The following PLPPR4 variants were observed in gnomAD, a reference collection of about 807,000 sequenced individuals.
PLPPR4 encodes phospholipid phosphatase-related protein type 4.
In PLPPR4, 24 loss-of-function variants were observed where a neutral mutation model predicts 56.6. The observed-to-expected ratio is 0.42, with a 90% CI of 0.31 to 0.60. PLPPR4 has a LOEUF of 0.60. Among genes scored for constraint, PLPPR4 ranks in the 20% least tolerant of loss-of-function variants. The probability of loss-of-function intolerance (pLI) is 0.13; values close to 1 mark genes in which losing one functional copy is unlikely to be tolerated. For missense variants in PLPPR4, 654 were observed against 885.8 expected (o/e 0.74, Z 3.32); for synonymous variants, 326 against 328.1 (o/e 0.99, Z 0.07).
chr1:99,296,826 G>T lies in PLPPR4; in HGVS notation c.353G>T (p.Cys118Phe). 6.3e-7 allele frequency: 1 copy of T among 1,595,884 alleles called. No individual in the cohort carries two copies. The highest frequency in any genetic ancestry group is 1.1e-5 in the South Asian group (1 of 88,140). ...GLEPNINAGG[C>F]NFNSFLRRAV... ...GAGCCCAACATTAATGCTGGAGGCTGCAACTTCAATTCCTTCCTCAGACGA... is the reference window on the plus strand; with the variant it reads ...GAGCCCAACATTAATGCTGGAGGCTTCAACTTCAATTCCTTCCTCAGACGA... The change falls in exon 3 of 7, where the codon TGC (cysteine) becomes TTC (phenylalanine). Residue 118 changes from cysteine to phenylalanine, a missense_variant. By Grantham distance (205) the Cys-to-Phe change is radical. Transcript: ENST00000370185.
In PLPPR4 at chr1:99,306,297, C is replaced by T; in HGVS notation, c.1435C>T (p.Arg479Cys). Residue 479 changes from arginine to cysteine, a missense_variant, in exon 7 of 7, where the codon CGT (arginine) becomes TGT (cysteine). Physicochemically the swap from Arg to Cys is radical, Grantham distance 180 (BLOSUM62 -3). Transcript: ENST00000370185. The surrounding 1 kb of genome is among the most constrained non-coding windows in gnomAD (Gnocchi z 4.0). ...PGGPRVSIQSRPGSSQLVHIP... is the reference protein window; with the variant it reads ...PGGPRVSIQSCPGSSQLVHIP... ...AGGGCCAAGAGTGTCCATTCAGTCC[C>T]GTCCTGGGTCCTCACAGTTGGTGCA... 1 of 1,614,130 alleles carries T rather than the reference C, an allele frequency of 6.2e-7. No individual in the cohort carries two copies. Among genetic ancestry groups the T allele is most frequent in the Non-Finnish European group, 8.5e-7 (1 of 1,180,012 alleles).
chr1:99,307,308 GT>G lies in PLPPR4; in HGVS notation c.*299del, dbSNP rs1660056439. 3 of 327,848 alleles carry G rather than the reference GT, an allele frequency of 9.2e-6. No individual in the cohort carries two copies. The highest frequency in any genetic ancestry group is 1.7e-5 in the Non-Finnish European group (3 of 179,434). The allele number at this position is 327,848 out of a possible 1,614,324, so 20.3% of individuals were successfully genotyped here. ...CAAAAGAAAGTGGTTTTCTTCAAAT[GT>G]ATACTATTTTACTTCCTGAATGTGC... On this transcript the variant is annotated 3_prime_UTR_variant, in exon 7 of 7. Transcript: ENST00000370185.
At chr1:99,266,509 T>C (rs1302004335) in intron 1 of PLPPR4, among the ~76,000 whole-genome samples, 3 of 152,266 alleles carry the variant, frequency 2.0e-5, no homozygotes, top group Non-Finnish European at 4.4e-5. Context: ...CATAATGCAA[T>C]TGAATTGTGT....
intron 1 of PLPPR4, among the ~76,000 whole-genome samples, chr1:99,271,829 T>C (rs985027499): frequency 2.7e-5 from 4 of 150,142 alleles, no homozygotes; most frequent in Non-Finnish European, 5.9e-5. Context: ...AACAAGGTAA[T>C]AGAAACAGAG....
upstream of PLPPR4, chr1:99,264,107 C>T (rs768311980): frequency 2.2e-4 from 63 of 292,700 alleles, no homozygotes; most frequent in Non-Finnish European, 3.2e-4. Context: ...CCTTAGCATT[C>T]TTTAATAGCA....
At chr1:99,276,535 T>A (rs1165924155) in intron 1 of PLPPR4, among the ~76,000 whole-genome samples, 1 of 152,124 alleles carries the variant, frequency 6.6e-6, no homozygotes, top group Non-Finnish European at 1.5e-5. Context: ...GTTAAGATTA[T>A]ATGTCAATTT....
chr1:99,272,026 A>C (rs886803588), intron 1 of PLPPR4, among the ~76,000 whole-genome samples: 2 of 151,696 alleles, frequency 1.3e-5, no homozygotes, highest in African/African-American at 4.9e-5. Context: ...AATAAAGATT[A>C]TTTGAGACAC....
chr1:99,266,867 A>G (rs1420139429), intron 1 of PLPPR4, among the ~76,000 whole-genome samples: 1 of 152,242 alleles, frequency 6.6e-6, no homozygotes, highest in Non-Finnish European at 1.5e-5. Flanking sequence ...GCTCCTTTGA[A>G]ATGACTCATT....
chr1:99,301,953 G>T, intron 6 of PLPPR4, 56 bp downstream of exon 6: 1 of 1,331,456 alleles, frequency 7.5e-7, no homozygotes, highest in East Asian at 2.3e-5. Flanking sequence ...AACATGCATA[G>T]AATATTTTGC....
intron 6 of PLPPR4, among the ~76,000 whole-genome samples, chr1:99,304,091 A>G (rs542997893): frequency 6.6e-6 from 1 of 152,334 alleles, no homozygotes; most frequent in African/African-American, 2.4e-5. Context: ...TCTCTGTCCC[A>G]TGTCATAACA....
In PLPPR4 at chr1:99,288,030, T is replaced by C. The variant is rs2100798490; in HGVS notation, c.144T>C (p.Pro48=). The C allele has an allele frequency of 2.5e-6, 4 of 1,613,956 alleles. No homozygotes were observed. The highest frequency in any genetic ancestry group is 1.6e-4 in the Middle Eastern group (1 of 6,062). Residue 48 remains proline (P), a synonymous_variant, in exon 2 of 7, where the codon CCT becomes CCC. Transcript: ENST00000370185. The part of the protein sequence containing the change: ...YFLELTDVFK[P]VHSGFSCYDR... ...TCGAACTCACAGATGTCTTCAAACC[T>C]GTGCACTCTGGATTTAGCTGCTATG...
intron 1 of PLPPR4, among the ~76,000 whole-genome samples, chr1:99,266,694 T>C (rs1214703214): frequency 1.3e-5 from 2 of 152,242 alleles, no homozygotes; most frequent in Non-Finnish European, 2.9e-5. Flanking sequence ...TTGATGACAC[T>C]GTATCTTGGG....
At chr1:99,273,563 A>G (rs1659110546) in intron 1 of PLPPR4, among the ~76,000 whole-genome samples, 1 of 152,124 alleles carries the variant, frequency 6.6e-6, no homozygotes, top group African/African-American at 2.4e-5. Flanking sequence ...AGAGTCCAAA[A>G]GAGACTGATC....
Position 99,306,003 on chromosome 1 carries a change from G to C in PLPPR4, c.1141G>C (p.Val381Leu), listed in dbSNP as rs956234151. ...CAATACCCCATCTGTAGAAGACCCT[G>C]TCAGAAGAAATGCGAGCATTCATGC... ...RANTPSVEDPVRRNASIHASM... is the reference protein window; with the variant it reads ...RANTPSVEDPLRRNASIHASM... Residue 381 changes from valine to leucine, a missense_variant, in exon 7 of 7, where the codon GTC becomes CTC. Physicochemically the swap from Val to Leu is conservative, Grantham distance 32 (BLOSUM62 1). This residue lies in a region of PLPPR4 where 468 missense variants were observed against 554.3 expected (regional missense o/e 0.84). Coordinates refer to ENST00000370185, the MANE Select transcript of PLPPR4 (RefSeq NM_014839.5). The surrounding 1 kb of genome is among the most constrained non-coding windows in gnomAD (Gnocchi z 4.0). 5.6e-6 allele frequency: 9 copies of C among 1,614,202 alleles called. No individual in the cohort carries two copies. Among genetic ancestry groups the C allele is most frequent in the Non-Finnish European group, 7.6e-6 (9 of 1,180,038 alleles).
rs528165502 is a variant in PLPPR4, at chr1:99,305,718, G to A, written c.856G>A (p.Asp286Asn). The change falls in exon 7 of 7, where the codon GAT (aspartate) becomes AAT (asparagine). Residue 286 changes from aspartate (D) to asparagine (N), a missense_variant. By Grantham distance (23) the Asp-to-Asn change is conservative. Around this residue, in one of 2 missense-constraint regions of PLPPR4, gnomAD observed 468 missense variants for 554.3 expected, o/e 0.84. Transcript: ENST00000370185. ...LYAVGNFLPS[D>N]ESMFQHRDAL... ...TGCTGTGGGGAATTTCCTGCCCAGT[G>A]ATGAGAGTATGTTTCAGCACAGAGA... 9 of 1,613,908 alleles carry A rather than the reference G, an allele frequency of 5.6e-6. No individual in the cohort carries two copies. In the African/African-American group the frequency reaches 9.3e-5, roughly 17 times the overall value.
In PLPPR4 at chr1:99,306,092, A is replaced by G. The variant is rs780101935; in HGVS notation, c.1230A>G (p.Arg410=). 1 of 1,614,150 alleles carries G rather than the reference A, an allele frequency of 6.2e-7. No homozygotes were observed. The highest frequency in any genetic ancestry group is 8.5e-7 in the Non-Finnish European group (1 of 1,180,010). Residue 410 remains arginine (R), a synonymous_variant, in exon 7 of 7, where the codon CGA becomes CGG. Transcript: ENST00000370185. The surrounding 1 kb of genome is among the most constrained non-coding windows in gnomAD (Gnocchi z 4.0). ...AGTGGAAGAATAAGAATGAAAGTCG[A>G]AAGTTGTCCTTGCAAGTTATAGAGC... is the stretch of plus-strand genomic sequence containing the variant. ...LTQWKNKNES[R]KLSLQVIEPE...
chr1:99,287,235 G>A (rs1176102747), intron 1 of PLPPR4, among the ~76,000 whole-genome samples: 2 of 146,672 alleles, frequency 1.4e-5, no homozygotes, highest in Non-Finnish European at 3.0e-5. Context: ...CTTTATGGGT[G>A]CATAGTATTC....
intron 1 of PLPPR4, among the ~76,000 whole-genome samples, chr1:99,287,022 C>T (rs1023976484): frequency 1.8e-4 from 28 of 151,990 alleles, no homozygotes; most frequent in African/African-American, 6.8e-4. Flanking sequence ...GACCTGTCTT[C>T]TAAGTTCCCT....
intron 1 of PLPPR4, among the ~76,000 whole-genome samples, chr1:99,276,042 T>C (rs964943409): frequency 1.3e-5 from 2 of 152,310 alleles, no homozygotes; most frequent in Admixed American, 6.5e-5. Context: ...GAAAATAAAA[T>C]AGAAGTTATT....
Sources: allele counts gnomAD v4.1 joint callset (sites outside exome capture counted in the v4.1 genomes callset), GRCh38; gene constraint gnomAD v4.1.1; regional missense constraint gnomAD v4.1.1; non-coding constraint Gnocchi (gnomAD v3.1); transcripts MANE v1.5; gene names NCBI Gene and HGNC (gene_info 2026-07-23, HGNC 2026-07-21).